STC2: variants seen among roughly 807,000 people sequenced by gnomAD.
STC2 encodes the protein stanniocalcin 2.
In STC2, 7 loss-of-function variants were observed where a neutral mutation model predicts 22.7. The ratio of observed to expected loss-of-function variants is 0.31; its 90% CI spans 0.18 to 0.58. The LOEUF (loss-of-function observed/expected upper bound fraction) is 0.58. STC2 is among the 20% of genes least tolerant of loss of function. The pLI is 0.89. For missense variants in STC2, 336 were observed against 406.2 expected (o/e 0.83, Z 1.48); for synonymous variants, 158 against 163.4 (o/e 0.97, Z 0.25).
At chr5:173,318,316 A>G (rs957526429) in intron 3 of STC2, 67 bp from the exon 4 acceptor site, 23 of 1,328,296 alleles carry the variant, frequency 1.7e-5, no homozygotes, top group African/African-American at 1.5e-4. Flanking sequence ...GAATGGAGCA[A>G]GTCCCGAATG....
chr5:173,318,272 GA>G (rs1324742022), intron 3 of STC2, 23 bp from the exon 4 acceptor site: 1 of 1,091,470 alleles, frequency 9.2e-7, no homozygotes, highest in Non-Finnish European at 1.2e-6. Context: ...AGCAAAGAGA[GA>G]GAGAGAGAGA....
In STC2 at chr5:173,323,478, G is replaced by T. The variant is rs754346878; in HGVS notation, c.295-48C>A. 5.5e-5 allele frequency: 83 copies of T among 1,518,498 alleles called. No individual in the cohort carries two copies. Among genetic ancestry groups the T allele is most frequent in the Non-Finnish European group, 6.9e-5 (77 of 1,114,648 alleles). The allele number at this position is 1,518,498 out of a possible 1,614,324, so 94.1% of individuals were successfully genotyped here. A position where few individuals can be genotyped will look rare whatever the true frequency, so the allele number is the denominator to read the frequency against. On this transcript the variant is annotated intron_variant, in intron 2 of 3. Coordinates refer to ENST00000265087, the MANE Select transcript of STC2 (RefSeq NM_003714.3). The surrounding 1 kb of genome is among the most constrained non-coding windows in gnomAD (Gnocchi z 5.4). ...AGGGAGAGAGGGGCAGAAAGCAGAA[G>T]ACCTCGTTACATGCTTGGACATTTC... is the stretch of plus-strand genomic sequence containing the variant.
Position 173,326,113 on chromosome 5 carries a change from A to G in STC2, c.152-103T>C, listed in dbSNP as rs74328847. On this transcript the variant is annotated intron_variant, in intron 1 of 3. Transcript: ENST00000265087. ...AAGTTAACAACTAAAGGAAAATTTA[A>G]GGAGGAAAAAAGACTTAGTAATGAC... The G allele has an allele frequency of 1.5e-3, 2,081 of 1,381,992 alleles. 24 individuals carry two copies. The African/African-American group carries it at 0.026, about 18-fold the overall frequency. 85.6% of individuals were successfully genotyped at this position (1,381,992 alleles called of 1,614,324 possible). A position where few individuals can be genotyped will look rare whatever the true frequency, so the allele number is the denominator to read the frequency against.
At position 173,323,300 on chromosome 5, in the gene STC2, T is replaced by C; in HGVS notation, c.425A>G (p.Lys142Arg). The change falls in exon 3 of 4, where the codon AAG (lysine) becomes AGG (arginine). Residue 142 changes from lysine (K) to arginine (R), a missense_variant. By Grantham distance (26) the Lys-to-Arg change is conservative (BLOSUM62 2). This residue lies in a region of STC2 where 215 missense variants were observed against 231.5 expected (regional missense o/e 0.93). Coordinates refer to ENST00000265087, the MANE Select transcript of STC2 (RefSeq NM_003714.3). This position sits in a 1 kb window ranked among gnomAD's most constrained non-coding sequence, Gnocchi z 5.4. ...VSQLQRECYL[K>R]HDLCAAAQEN... ...CTGGGCAGCCGCGCACAGGTCGTGCTTGAGGTAGCATTCCCGCTGCAACTG... is the reference window on the plus strand; with the variant it reads ...CTGGGCAGCCGCGCACAGGTCGTGCCTGAGGTAGCATTCCCGCTGCAACTG... The C allele has an allele frequency of 6.2e-7, 1 of 1,614,128 alleles. No individual in the cohort carries two copies. The highest frequency in any genetic ancestry group is 8.5e-7 in the Non-Finnish European group (1 of 1,180,006).
rs780019151 is a variant in STC2, at chr5:173,328,209, C to G, written c.-16G>C. The G allele has an allele frequency of 6.9e-7, 1 of 1,452,788 alleles. No individual in the cohort carries two copies. Among genetic ancestry groups the G allele is most frequent in the South Asian group, 1.5e-5 (1 of 65,184 alleles). The allele number at this position is 1,452,788 out of a possible 1,614,324, so 90.0% of individuals were successfully genotyped here. A position where few individuals can be genotyped will look rare whatever the true frequency, so the allele number is the denominator to read the frequency against. On this transcript the variant is annotated 5_prime_UTR_variant, in exon 1 of 4. Coordinates refer to ENST00000265087, the MANE Select transcript of STC2 (RefSeq NM_003714.3). ...CGGCACACATGGTTCTTGGTATTAA[C>G]CTCCCGTCGGGAGACCTGGATCCTT...
chr5:173,317,979 C>T lies in STC2; in HGVS notation c.777G>A (p.Lys259=). Residue 259 remains lysine, a synonymous_variant, in exon 4 of 4, where the codon AAG becomes AAA. Coordinates refer to ENST00000265087, the MANE Select transcript of STC2 (RefSeq NM_003714.3). ...GGTGGCTCTTGCTACCTCGCTCACC[C>T]TTGGCACCTCGGCCAGTCTCCCTAC... ...PSSRETGRGA[K]GERGSKSHPN... is the part of the protein sequence containing the mutation. The T allele has an allele frequency of 6.2e-7, 1 of 1,613,446 alleles. No homozygotes were observed. The highest frequency in any genetic ancestry group is 8.5e-7 in the Non-Finnish European group (1 of 1,179,978).
Position 173,328,275 on chromosome 5 carries a change from G to C in STC2, c.-82C>G. The C allele has an allele frequency of 7.5e-7, 1 of 1,328,792 alleles. No homozygotes were observed. Among genetic ancestry groups the C allele is most frequent in the Non-Finnish European group, 9.8e-7 (1 of 1,020,544 alleles). 82.3% of individuals were successfully genotyped at this position (1,328,792 alleles called of 1,614,324 possible). A position where few individuals can be genotyped will look rare whatever the true frequency, so the allele number is the denominator to read the frequency against. On this transcript the variant is annotated 5_prime_UTR_variant, in exon 1 of 4. Coordinates refer to ENST00000265087, the MANE Select transcript of STC2 (RefSeq NM_003714.3). The stretch of plus-strand genomic sequence containing the variant: ...CTCCTCCTCCTCTTCCTCCTTCGCC[G>C]CTTCCCCTCCTCCTCCCACTCTTCC...
In STC2 at chr5:173,323,817, A is replaced by G. The variant is rs932458611; in HGVS notation, c.295-387T>C. The stretch of plus-strand genomic sequence containing the variant: ...AGGGAATTTGGCCAGACACAAATCC[A>G]TAAATCCCTCACGGTTCTCACAAGC... On this transcript the variant is annotated intron_variant, in intron 2 of 3. Transcript: ENST00000265087. This position sits in a 1 kb window ranked among gnomAD's most constrained non-coding sequence, Gnocchi z 5.4. 2.6e-5 allele frequency among the ~76,000 whole-genome samples: 4 copies of G among 152,140 alleles called. No homozygotes were observed. Among genetic ancestry groups the G allele is most frequent in the African/African-American group, 9.7e-5 (4 of 41,434 alleles).
At chr5:173,326,033 A>T (rs1762542340) in intron 1 of STC2, 23 bp from the exon 2 acceptor site, 1 of 1,613,034 alleles carries the variant, frequency 6.2e-7, no homozygotes, top group Non-Finnish European at 8.5e-7. Flanking sequence ...TCACATACAA[A>T]TATATACAAA....
At chr5:173,319,421 C>A (rs1762461538) in intron 3 of STC2, among the ~76,000 whole-genome samples, 1 of 152,224 alleles carries the variant, frequency 6.6e-6, no homozygotes, top group Non-Finnish European at 1.5e-5. Flanking sequence ...TGACCACAAG[C>A]ATTGCAGCTT....
At chr5:173,327,300 T>C (rs897326954) in intron 1 of STC2, among the ~76,000 whole-genome samples, 3 of 152,268 alleles carry the variant, frequency 2.0e-5, no homozygotes, top group Non-Finnish European at 2.9e-5. Flanking sequence ...CAGATTTTCT[T>C]TCTCTTTCCG....
rs1376092365 is a variant in STC2, at chr5:173,327,355, C to T, written c.151+688G>A. 5.2e-5 allele frequency among the ~76,000 whole-genome samples: 8 copies of T among 152,386 alleles called. No homozygotes were observed. In the East Asian group the frequency reaches 1.3e-3, roughly 26 times the overall value. On this transcript the variant is annotated intron_variant, in intron 1 of 3. Transcript: ENST00000265087. ...CCCGTGCCCTGCACGCCTGGCTCTG[C>T]TTTGCAGCTTGCCGGTGAGCCAAGA...
rs775023312 is a variant in STC2 at position 173,317,949 on chromosome 5, G to C, written c.807C>G (p.Asn269Lys). The change falls in exon 4 of 4, where the codon AAC becomes AAG. Residue 269 changes from asparagine (N) to lysine (K), a missense_variant. Asn to Lys is a moderately conservative substitution (Grantham distance 94). Around this residue, in one of 3 missense-constraint regions of STC2, gnomAD observed 215 missense variants for 231.5 expected, o/e 0.93. Transcript: ENST00000265087. ...KGERGSKSHPNAHARGRVGGL... is the reference protein window; with the variant it reads ...KGERGSKSHPKAHARGRVGGL... ...CCCCGACTCTGCCTCGGGCATGGGC[G>C]TTTGGGTGGCTCTTGCTACCTCGCT... 6.2e-6 allele frequency: 10 copies of C among 1,613,348 alleles called. No homozygotes were observed. Among genetic ancestry groups the C allele is most frequent in the African/African-American group, 1.3e-5 (1 of 74,936 alleles).
chr5:173,319,544 C>T (rs1762462968), intron 3 of STC2, among the ~76,000 whole-genome samples: 1 of 152,242 alleles, frequency 6.6e-6, no homozygotes. Flanking sequence ...TGCGTTACAG[C>T]CCATGGAGCC....
At position 173,317,986 on chromosome 5, in the gene STC2, C is replaced by T. The variant is rs148204564; in HGVS notation, c.770G>A (p.Gly257Asp). The T allele has an allele frequency of 4.7e-5, 76 of 1,613,420 alleles. No homozygotes were observed. In the South Asian group the frequency reaches 8.1e-4, roughly 17 times the overall value. ...PEPSSRETGR[G>D]AKGERGSKSH... ...CTTGCTACCTCGCTCACCCTTGGCACCTCGGCCAGTCTCCCTACTGCTGGG... is the reference window on the plus strand; with the variant it reads ...CTTGCTACCTCGCTCACCCTTGGCATCTCGGCCAGTCTCCCTACTGCTGGG... The change falls in exon 4 of 4, where the codon GGT (glycine) becomes GAT (aspartate). Residue 257 changes from glycine to aspartate, a missense_variant. Gly to Asp is a moderately conservative substitution (Grantham distance 94). Around this residue, in one of 3 missense-constraint regions of STC2, gnomAD observed 215 missense variants for 231.5 expected, o/e 0.93. Coordinates refer to ENST00000265087, the MANE Select transcript of STC2 (RefSeq NM_003714.3).
In STC2 at chr5:173,325,823, G is replaced by A. The variant is rs369369541; in HGVS notation, c.294+45C>T. 1.0e-4 allele frequency: 167 copies of A among 1,612,346 alleles called. No individual in the cohort carries two copies. Among genetic ancestry groups the A allele is most frequent in the Non-Finnish European group, 1.4e-4 (161 of 1,178,458 alleles). On this transcript the variant is annotated intron_variant, in intron 2 of 3. Coordinates refer to ENST00000265087, the MANE Select transcript of STC2 (RefSeq NM_003714.3). This position sits in a 1 kb window ranked among gnomAD's most constrained non-coding sequence, Gnocchi z 4.7. ...GCTTTCCAATGAACGTTTCAATCAT[G>A]TATGCTCACCCCAAACATTCTTCAT...
Position 173,317,982 on chromosome 5 carries a change from G to A in STC2, c.774C>T (p.Ala258=), listed in dbSNP as rs1762443750. The part of the protein sequence containing the change: ...EPSSRETGRG[A]KGERGSKSHP... ...GGCTCTTGCTACCTCGCTCACCCTT[G>A]GCACCTCGGCCAGTCTCCCTACTGC... The change falls in exon 4 of 4, where the codon GCC becomes GCT. Residue 258 remains alanine (A), a synonymous_variant. Transcript: ENST00000265087. 4 of 1,613,342 alleles carry A rather than the reference G, an allele frequency of 2.5e-6. No homozygotes were observed. Among genetic ancestry groups the A allele is most frequent in the Non-Finnish European group, 3.4e-6 (4 of 1,179,970 alleles).
rs939193465 is a variant in STC2, at chr5:173,315,043, C to T, written c.*2804G>A. 2 of 152,166 alleles carry T rather than the reference C, an allele frequency of 1.3e-5. No homozygotes were observed. Among genetic ancestry groups the T allele is most frequent in the Non-Finnish European group, 2.9e-5 (2 of 68,028 alleles). 9.4% of individuals were successfully genotyped at this position (152,166 alleles called of 1,614,324 possible). On this transcript the variant is annotated 3_prime_UTR_variant, in exon 4 of 4. Coordinates refer to ENST00000265087, the MANE Select transcript of STC2 (RefSeq NM_003714.3). ...TCAGCATTTTACTATACTTGGTCCTCTCACTTCAGAATAACAGGGCTATTT... is the reference window on the plus strand; with the variant it reads ...TCAGCATTTTACTATACTTGGTCCTTTCACTTCAGAATAACAGGGCTATTT...
chr5:173,318,330 C>A, intron 3 of STC2, 81 bp from the exon 4 acceptor site: 1 of 1,306,940 alleles, frequency 7.7e-7, no homozygotes, highest in Non-Finnish European at 9.8e-7. Flanking sequence ...CCGAATGGAC[C>A]ACAGAGGGCA....
Sources: gnomAD v4.1 joint callset for allele counts (sites outside exome capture counted in the v4.1 genomes callset) on GRCh38, gnomAD v4.1.1 for gene constraint, gnomAD v4.1.1 regional missense constraint, Gnocchi (gnomAD v3.1) non-coding constraint, MANE v1.5 for transcripts, NCBI Gene and HGNC (gene_info 2026-07-23, HGNC 2026-07-21) for gene names.